The following PON3 variants were observed in gnomAD, a reference collection of about 807,000 sequenced individuals.
PON3 encodes the protein serum paraoxonase/lactonase 3.
A neutral mutation model predicts 36.3 loss-of-function variants in PON3; 37 were observed. The observed-to-expected ratio is 1.02, with a 90% CI of 0.78 to 1.34. The LOEUF (loss-of-function observed/expected upper bound fraction) is 1.34, where lower values mean the gene tolerates loss of function less well. Ranked by LOEUF, PON3 falls within the 40% of genes most tolerant of loss-of-function variation. PON3 has a pLI of 0.00. For missense variants in PON3, 415 were observed against 426.5 expected (o/e 0.97, Z 0.24); for synonymous variants, 155 against 154.8 (o/e 1.00, Z -0.01).
intron 6 of PON3, 47 bp downstream of exon 6, chr7:95,363,816 C>T (rs575064885): frequency 9.5e-5 from 149 of 1,566,558 alleles, no homozygotes; most frequent in Admixed American, 1.8e-4. Context: ...AAGGAGTCCA[C>T]GAAAATGTCA....
chr7:95,359,973 C>A lies in PON3; in HGVS notation c.1065G>T (p.Ter355TyrextTer19). 6.3e-7 allele frequency: 1 copy of A among 1,587,832 alleles called. No homozygotes were observed. The highest frequency in any genetic ancestry group is 8.6e-7 in the Non-Finnish European group (1 of 1,164,034). ...VFHKTLYCEL[*>Y] ...TTTTTTTTTTTTTACTATCTAGAGTCTAGAGCTCACAGTACAGAGTTTTGT... is the reference window on the plus strand; with the variant it reads ...TTTTTTTTTTTTTACTATCTAGAGTATAGAGCTCACAGTACAGAGTTTTGT... Residue 355 changes from the stop codon to tyrosine (Y), a stop_lost, in exon 9 of 9, where the codon TAG (stop) becomes TAT (tyrosine). Coordinates refer to ENST00000265627, the MANE Select transcript of PON3 (RefSeq NM_000940.3).
At position 95,362,490 on chromosome 7, in the gene PON3, C is replaced by T. The variant is rs776573781; in HGVS notation, c.778G>A (p.Val260Met). ...HDNWDLTQLKVIQLGTLVDNL... is the reference protein window; with the variant it reads ...HDNWDLTQLKMIQLGTLVDNL... ...TCCACTAAGGTGCCCAACTGTATCACCTTACAACAAAGAGGGAGTAGTGAA... is the reference window on the plus strand; with the variant it reads ...TCCACTAAGGTGCCCAACTGTATCATCTTACAACAAAGAGGGAGTAGTGAA... Residue 260 changes from valine to methionine, a missense_variant and splice_region_variant, in exon 8 of 9, where the codon GTG (valine) becomes ATG (methionine). Physicochemically the swap from Val to Met is conservative, Grantham distance 21. Transcript: ENST00000265627. The T allele has an allele frequency of 4.3e-6, 7 of 1,613,650 alleles. No individual in the cohort carries two copies. Among genetic ancestry groups the T allele is most frequent in the Non-Finnish European group, 5.9e-6 (7 of 1,179,758 alleles).
At chr7:95,388,764 A>C (rs1397296730) in intron 3 of PON3, among the ~76,000 whole-genome samples, 4 of 152,260 alleles carry the variant, frequency 2.6e-5, no homozygotes, top group African/African-American at 9.6e-5. Context: ...CAGCCATAAA[A>C]GAGGATGAGT....
intron 3 of PON3, among the ~76,000 whole-genome samples, chr7:95,389,202 C>T (rs1182034367): frequency 6.6e-6 from 1 of 152,198 alleles, no homozygotes; most frequent in South Asian, 2.1e-4. Flanking sequence ...TAAAATATTG[C>T]CCACACAGAC....
At chr7:95,393,282 G>A (rs574683961) in intron 2 of PON3, among the ~76,000 whole-genome samples, 5 of 152,180 alleles carry the variant, frequency 3.3e-5, no homozygotes, top group African/African-American at 1.2e-4. Context: ...TAGTGAAAGA[G>A]AGAACACTGC....
intron 2 of PON3, among the ~76,000 whole-genome samples, chr7:95,392,078 T>G (rs1230936072): frequency 6.6e-6 from 1 of 152,208 alleles, no homozygotes; most frequent in Non-Finnish European, 1.5e-5. Flanking sequence ...ACTTTACAAA[T>G]TGGTTATGAG....
chr7:95,379,657 G>A (rs760678219), intron 3 of PON3, among the ~76,000 whole-genome samples: 5 of 152,242 alleles, frequency 3.3e-5, no homozygotes, highest in Non-Finnish European at 7.3e-5. Context: ...GGCTGGGGGA[G>A]GGGCGCCCGC....
At chr7:95,382,805 C>G (rs1365282005) in intron 3 of PON3, among the ~76,000 whole-genome samples, 1 of 152,162 alleles carries the variant, frequency 6.6e-6, no homozygotes. Context: ...TCTTCCTAAA[C>G]TATCCCAATC....
chr7:95,385,637 C>T (rs568768879), intron 3 of PON3, among the ~76,000 whole-genome samples: 2 of 152,298 alleles, frequency 1.3e-5, no homozygotes, highest in East Asian at 3.9e-4. Flanking sequence ...CACCACATCG[C>T]ACTTATTCTA....
intron 3 of PON3, among the ~76,000 whole-genome samples, chr7:95,379,523 A>G (rs1808996208): frequency 6.6e-6 from 1 of 152,234 alleles, no homozygotes; most frequent in South Asian, 2.1e-4. Flanking sequence ...CACTTTTCCA[A>G]TGGTCTTAGC....
chr7:95,393,897 G>A (rs767437608), intron 2 of PON3, among the ~76,000 whole-genome samples: 4 of 152,014 alleles, frequency 2.6e-5, no homozygotes, highest in Admixed American at 6.6e-5. Context: ...AGGTTCCTTC[G>A]TTTATTATTT....
At chr7:95,392,118 C>G (rs775956829) in intron 2 of PON3, among the ~76,000 whole-genome samples, 3 of 152,222 alleles carry the variant, frequency 2.0e-5, no homozygotes, top group Admixed American at 6.5e-5. Context: ...AAGGACTCAA[C>G]AGGCTGCTCA....
At chr7:95,367,286 C>A (rs1035411670) in intron 5 of PON3, 76 bp downstream of exon 5, 1 of 1,563,200 alleles carries the variant, frequency 6.4e-7, no homozygotes, top group Middle Eastern at 1.9e-4. Flanking sequence ...TTAAGAAAGC[C>A]TGCTGAACCA....
intron 4 of PON3, 74 bp from the exon 5 acceptor site, chr7:95,367,562 T>C (rs1245354781): frequency 1.3e-6 from 2 of 1,545,878 alleles, no homozygotes; most frequent in Non-Finnish European, 1.8e-6. Context: ...TTTTAAAACT[T>C]GGTCACTTCC....
rs199694154 is a variant in PON3 at position 95,394,327 on chromosome 7, CAG to C, written c.145+315_145+316del. ...AAAGAAGCAAAAAAAGGAAAGGTAACAGAGGACAAGGAGGAGAGTGAAATACC... is the reference window on the plus strand; with the variant it reads ...AAAGAAGCAAAAAAAGGAAAGGTAACAGGACAAGGAGGAGAGTGAAATACC... On this transcript the variant is annotated intron_variant, in intron 2 of 8. Transcript: ENST00000265627. 9.1e-3 allele frequency among the ~76,000 whole-genome samples: 1,380 copies of C among 152,084 alleles called. 19 individuals are homozygous for C. Among genetic ancestry groups the C allele is most frequent in the African/African-American group, 0.032 (1,307 of 41,464 alleles).
At chr7:95,364,361 G>A in intron 5 of PON3, 1 of 429,478 alleles carries the variant, frequency 2.3e-6, no homozygotes, top group East Asian at 5.0e-5. Flanking sequence ...GTTGATCATG[G>A]TTATCTGTGA....
In PON3 at chr7:95,383,737, A is replaced by G. The variant is rs1585730255; in HGVS notation, c.201+6417T>C. ...ACAAATGGAAGAACATTCCATGCTCATGAATAGGAAGAATCAATATCGTGA... is the reference window on the plus strand; with the variant it reads ...ACAAATGGAAGAACATTCCATGCTCGTGAATAGGAAGAATCAATATCGTGA... On this transcript the variant is annotated intron_variant, in intron 3 of 8. Transcript: ENST00000265627. 3.3e-5 allele frequency among the ~76,000 whole-genome samples: 5 copies of G among 152,366 alleles called. No homozygotes were observed. In the East Asian group the frequency reaches 7.7e-4, roughly 23 times the overall value.
chr7:95,393,882 C>T (rs2116427813), intron 2 of PON3, among the ~76,000 whole-genome samples: 1 of 152,210 alleles, frequency 6.6e-6, no homozygotes, highest in South Asian at 2.1e-4. Context: ...GGTAGGTAGG[C>T]TGTGAGGTTC....
chr7:95,392,728 C>T (rs576962046), intron 2 of PON3, among the ~76,000 whole-genome samples: 3 of 152,206 alleles, frequency 2.0e-5, no homozygotes, highest in Admixed American at 1.3e-4. Context: ...TTCTACACTA[C>T]GTATCATCGA....
Sources: gnomAD v4.1 joint callset for allele counts (sites outside exome capture counted in the v4.1 genomes callset) on GRCh38, gnomAD v4.1.1 for gene constraint, MANE v1.5 for transcripts, NCBI Gene and HGNC (gene_info 2026-07-23, HGNC 2026-07-21) for gene names.